Variants in BABAM2 observed in about 807,000 individuals in gnomAD.
The protein encoded by BABAM2 is BRISC and BRCA1-A complex member 2.
A neutral mutation model predicts 54.7 loss-of-function variants in BABAM2; 31 were observed. The ratio of observed to expected loss-of-function variants is 0.57; its 90% CI spans 0.43 to 0.77. The LOEUF is 0.77. Among genes scored for constraint, BABAM2 ranks in the 30% least tolerant of loss-of-function variants. The probability of loss-of-function intolerance (pLI) is 0.00; values close to 1 mark genes in which losing one functional copy is unlikely to be tolerated. For missense variants in BABAM2, 364 were observed against 455.8 expected (o/e 0.80, Z 1.83); for synonymous variants, 167 against 162.9 (o/e 1.03, Z -0.19).
At chr2:28,011,971 C>T (rs781653126) in intron 4 of BABAM2, among the ~76,000 whole-genome samples, 11 of 152,098 alleles carry the variant, frequency 7.2e-5, no homozygotes, top group African/African-American at 2.2e-4. Flanking sequence ...AATCTTTGGA[C>T]GGAATTGGGA....
chr2:28,098,746 A>G (rs1032715443), intron 6 of BABAM2, among the ~76,000 whole-genome samples: 7 of 152,252 alleles, frequency 4.6e-5, no homozygotes, highest in Non-Finnish European at 7.3e-5. Context: ...ATGTGTTCAC[A>G]TATGTGAAGA....
intron 3 of BABAM2, among the ~76,000 whole-genome samples, chr2:27,934,032 C>A (rs1457420864): frequency 6.6e-6 from 1 of 152,034 alleles, no homozygotes; most frequent in Non-Finnish European, 1.5e-5. Flanking sequence ...TGTGTACAGG[C>A]AAACCTCATT....
At chr2:28,071,318 C>T (rs1055279715) in intron 6 of BABAM2, among the ~76,000 whole-genome samples, 1 of 152,114 alleles carries the variant, frequency 6.6e-6, no homozygotes. Flanking sequence ...TGTTGAAGAA[C>T]TCAGGTCATT....
chr2:28,113,171 T>C (rs1264031423), intron 6 of BABAM2, among the ~76,000 whole-genome samples: 3 of 152,222 alleles, frequency 2.0e-5, no homozygotes, highest in Non-Finnish European at 4.4e-5. Context: ...ACTCTGATGA[T>C]AGTTTCTTTT....
At chr2:27,954,149 A>C (rs1669930127) in intron 3 of BABAM2, among the ~76,000 whole-genome samples, 1 of 152,212 alleles carries the variant, frequency 6.6e-6, no homozygotes. Context: ...ATTTCTAGTT[A>C]GTTCTTCCTT....
chr2:27,964,045 A>G (rs1278793452), intron 3 of BABAM2, among the ~76,000 whole-genome samples: 1 of 152,216 alleles, frequency 6.6e-6, no homozygotes, highest in African/African-American at 2.4e-5. Flanking sequence ...GAGAGGTGGT[A>G]CCTTTAAGAG....
intron 7 of BABAM2, among the ~76,000 whole-genome samples, chr2:28,138,715 C>G (rs956688453): frequency 9.9e-5 from 15 of 152,282 alleles, no homozygotes; most frequent in Admixed American, 9.8e-4. Context: ...TACCCTCCTT[C>G]TAATGACCCT....
intron 4 of BABAM2, chr2:28,015,827 T>G: frequency 1.1e-6 from 1 of 924,206 alleles, no homozygotes. Context: ...TCTGTTTTGT[T>G]TTTTTCTGTT....
chr2:27,918,870 TG>T (rs1382973605), intron 2 of BABAM2, among the ~76,000 whole-genome samples: 2 of 152,022 alleles, frequency 1.3e-5, no homozygotes, highest in Non-Finnish European at 2.9e-5. Context: ...TGGTATTTTT[TG>T]TAGAGACAGG....
intron 7 of BABAM2, among the ~76,000 whole-genome samples, chr2:28,149,906 A>G (rs1020327448): frequency 6.6e-6 from 1 of 152,188 alleles, no homozygotes; most frequent in African/African-American, 2.4e-5. Context: ...TTATACATTG[A>G]ATTAATGCCT....
chr2:28,205,733 T>C (rs1204766122), intron 7 of BABAM2, among the ~76,000 whole-genome samples: 1 of 152,154 alleles, frequency 6.6e-6, no homozygotes, highest in Non-Finnish European at 1.5e-5. Context: ...CTAAGTAACT[T>C]TGCTTGTTTT....
chr2:27,957,791 G>A (rs974902225), intron 3 of BABAM2, among the ~76,000 whole-genome samples: 3 of 152,020 alleles, frequency 2.0e-5, no homozygotes, highest in Non-Finnish European at 4.4e-5. Context: ...GATTATTTTG[G>A]CCAACAGAAT....
intron 6 of BABAM2, among the ~76,000 whole-genome samples, chr2:28,053,750 A>G (rs1348301027): frequency 1.3e-5 from 2 of 152,142 alleles, no homozygotes; most frequent in Admixed American, 6.5e-5. Context: ...AGGCTCCTCT[A>G]AAGGGCAAGA....
Position 28,338,436 on chromosome 2 carries a change from T to C in BABAM2, c.1089-14T>C. ...GCTAACCACAATTTTTTTTCTCCCC[T>C]TCTTTCCCACCAGGGCTTATTTCAA... On this transcript the variant is annotated splice_polypyrimidine_tract_variant and intron_variant, in intron 11 of 11. Transcript: ENST00000379624. The C allele has an allele frequency of 6.2e-7, 1 of 1,613,256 alleles. No individual in the cohort carries two copies. The highest frequency in any genetic ancestry group is 1.3e-5 in the African/African-American group (1 of 75,046).
intron 3 of BABAM2, among the ~76,000 whole-genome samples, chr2:27,941,356 A>T (rs1384442808): frequency 5.3e-5 from 8 of 152,124 alleles, no homozygotes; most frequent in Non-Finnish European, 8.8e-5. Context: ...CAAGGTCAGG[A>T]GTTGCCTGGC....
At chr2:28,133,083 T>G (rs1670230820) in intron 7 of BABAM2, among the ~76,000 whole-genome samples, 1 of 152,212 alleles carries the variant, frequency 6.6e-6, no homozygotes, top group African/African-American at 2.4e-5. Context: ...AGTAGAAGTT[T>G]TCAAAATGAG....
intron 11 of BABAM2, among the ~76,000 whole-genome samples, chr2:28,319,744 A>T (rs942981137): frequency 6.6e-6 from 1 of 152,248 alleles, no homozygotes; most frequent in African/African-American, 2.4e-5. Flanking sequence ...CCAGGTGCTT[A>T]TGCAGGAGAG....
At chr2:28,299,702 C>A (rs567682763) in intron 11 of BABAM2, among the ~76,000 whole-genome samples, 1 of 152,120 alleles carries the variant, frequency 6.6e-6, no homozygotes, top group Non-Finnish European at 1.5e-5. Context: ...GAAGATAAAG[C>A]CTTTATCATA....
intron 8 of BABAM2, among the ~76,000 whole-genome samples, chr2:28,237,708 G>A (rs926286847): frequency 1.3e-5 from 2 of 152,138 alleles, no homozygotes; most frequent in African/African-American, 2.4e-5. Context: ...TGGTATCCGC[G>A]TAATTGTTTA....
Sources: allele counts gnomAD v4.1 joint callset (sites outside exome capture counted in the v4.1 genomes callset), GRCh38; gene constraint gnomAD v4.1.1; transcripts MANE v1.5; gene names NCBI Gene and HGNC (gene_info 2026-07-23, HGNC 2026-07-21).